Variants in ATP11A observed in about 807,000 individuals in gnomAD.
ATP11A encodes ATPase phospholipid transporting 11A.
A neutral mutation model predicts 154.4 loss-of-function variants in ATP11A; 81 were observed. The ratio of observed to expected loss-of-function variants is 0.52; its 90% CI spans 0.44 to 0.63. The LOEUF is 0.63. Among genes scored for constraint, ATP11A ranks in the 30% least tolerant of loss-of-function variants. The pLI is 0.00. For synonymous variants in ATP11A, 623 were observed against 585.9 expected, an observed-to-expected ratio of 1.06 and a Z score of -0.91; for missense variants, 1,316 against 1,474.3, an observed-to-expected ratio of 0.89 and a Z score of 1.76.
chr13:112,721,274 G>A (rs985830356), intron 1 of ATP11A, among the ~76,000 whole-genome samples: 1 of 152,162 alleles, frequency 6.6e-6, no homozygotes. Context: ...TTTCCTTAGC[G>A]TTAGGGTCCA....
At chr13:112,801,433 C>T (rs531776521) in intron 2 of ATP11A, among the ~76,000 whole-genome samples, 1 of 152,198 alleles carries the variant, frequency 6.6e-6, no homozygotes, top group African/African-American at 2.4e-5. Flanking sequence ...TACTGGAAAT[C>T]CTAGCTAATA....
chr13:112,696,051 C>T lies in ATP11A; in HGVS notation c.39+5596C>T, dbSNP rs1273836080. Reference sequence around the variant, plus strand: ...GTCTGACAGACCCACATTCAAGTTCCGTCTCGGCTGACGGCTGCGTGGCCT... The same window carrying T: ...GTCTGACAGACCCACATTCAAGTTCTGTCTCGGCTGACGGCTGCGTGGCCT... On this transcript the variant is annotated intron_variant, in intron 1 of 29. Transcript: ENST00000375645. The surrounding 1 kb of genome is among the most constrained non-coding windows in gnomAD (Gnocchi z 6.2). 6.6e-6 allele frequency among the ~76,000 whole-genome samples: 1 copy of T among 152,178 alleles called. No individual in the cohort carries two copies. Among genetic ancestry groups the T allele is most frequent in the Non-Finnish European group, 1.5e-5 (1 of 68,032 alleles).
chr13:112,842,497 T>G (rs759913828), intron 17 of ATP11A, 118 bp downstream of exon 17: 1 of 851,026 alleles, frequency 1.2e-6, no homozygotes, highest in Non-Finnish European at 1.9e-6. Context: ...GGGGAATGTT[T>G]AGAAATCAGC....
rs751955030 is a variant in ATP11A at position 112,859,503 on chromosome 13, C to T, written c.2727+51C>T. The T allele has an allele frequency of 2.0e-6, 3 of 1,492,528 alleles. No homozygotes were observed. Among genetic ancestry groups the T allele is most frequent in the Non-Finnish European group, 2.8e-6 (3 of 1,069,646 alleles). The allele number at this position is 1,492,528 out of a possible 1,614,324, so 92.5% of individuals were successfully genotyped here. A position where few individuals can be genotyped will look rare whatever the true frequency, so the allele number is the denominator to read the frequency against. On this transcript the variant is annotated intron_variant, in intron 23 of 29. Transcript: ENST00000375645. The surrounding 1 kb of genome is among the most constrained non-coding windows in gnomAD (Gnocchi z 4.3). Reference sequence around the variant, plus strand: ...GGCTGTCTGAGCCTTCTTTTCCTTCCCGCAGTGGGTGGCTGCTGTGGGGAG... The same window carrying T: ...GGCTGTCTGAGCCTTCTTTTCCTTCTCGCAGTGGGTGGCTGCTGTGGGGAG...
intron 16 of ATP11A, among the ~76,000 whole-genome samples, chr13:112,840,591 C>T (rs992127007): frequency 2.0e-5 from 3 of 151,500 alleles, no homozygotes; most frequent in African/African-American, 4.9e-5. Context: ...CCATGCCCTC[C>T]AGCCTTTGCT....
chr13:112,817,021 C>T (rs2078664032), intron 6 of ATP11A, among the ~76,000 whole-genome samples: 1 of 152,064 alleles, frequency 6.6e-6, no homozygotes, highest in Non-Finnish European at 1.5e-5. Context: ...GAAATTACTA[C>T]ATAAGTAATT....
At chr13:112,825,398 G>A in intron 10 of ATP11A, 32 bp from the exon 11 acceptor site, 1 of 1,575,570 alleles carries the variant, frequency 6.3e-7, no homozygotes, top group Non-Finnish European at 8.6e-7. Context: ...TTTCCTCAGG[G>A]ACCAGTGATC....
chr13:112,725,167 C>G (rs556102458), intron 1 of ATP11A, among the ~76,000 whole-genome samples: 95 of 152,310 alleles, frequency 6.2e-4, no homozygotes, highest in Non-Finnish European at 1.0e-3. Flanking sequence ...CTGCAAACCC[C>G]CCTTGTGGGA....
intron 25 of ATP11A, 136 bp from the exon 26 acceptor site, chr13:112,871,599 A>G (rs2080522507): frequency 1.2e-6 from 1 of 801,354 alleles, no homozygotes; most frequent in Non-Finnish European, 2.1e-6. Context: ...TAATAAGAAA[A>G]TATAGTGCTT....
intron 5 of ATP11A, 129 bp from the exon 6 acceptor site, chr13:112,815,954 T>C (rs1446159361): frequency 3.0e-6 from 4 of 1,328,466 alleles, no homozygotes; most frequent in Non-Finnish European, 4.2e-6. Flanking sequence ...AGTCTTTTCC[T>C]GAAACCGTGT....
In ATP11A at chr13:112,814,987, T is replaced by C. The variant is rs536593824; in HGVS notation, c.442-1096T>C. On this transcript the variant is annotated intron_variant, in intron 5 of 29. Coordinates refer to ENST00000375645, the MANE Select transcript of ATP11A (RefSeq NM_015205.3). ...AAAGTCTCACAAATTCGCAGTGTGC[T>C]GTGACCATCGTGTAGTGGGACAGAG... 5.3e-5 allele frequency among the ~76,000 whole-genome samples: 8 copies of C among 152,360 alleles called. No individual in the cohort carries two copies. The East Asian group carries it at 1.4e-3, about 26-fold the overall frequency.
At position 112,737,409 on chromosome 13, in the gene ATP11A, A is replaced by G. The variant is rs1442319056; in HGVS notation, c.39+46954A>G. On this transcript the variant is annotated intron_variant, in intron 1 of 29. Transcript: ENST00000375645. The stretch of plus-strand genomic sequence containing the variant: ...CCTTCGGTGAAATGTTCGTTAAAAC[A>G]GATCATGACTCATGTGGCGTTAAAT... Among the ~76,000 whole-genome samples the G allele has an allele frequency of 2.0e-5, 3 of 152,264 alleles. No homozygotes were observed. In the East Asian group the frequency reaches 5.8e-4, roughly 29 times the overall value.
Position 112,875,067 on chromosome 13 carries a change from C to T in ATP11A, c.3162-709C>T, listed in dbSNP as rs1403348732. Among the ~76,000 whole-genome samples the T allele has an allele frequency of 1.3e-5, 2 of 152,170 alleles. No individual in the cohort carries two copies. The highest frequency in any genetic ancestry group is 2.9e-5 in the Non-Finnish European group (2 of 68,026). On this transcript the variant is annotated intron_variant, in intron 27 of 29. Coordinates refer to ENST00000375645, the MANE Select transcript of ATP11A (RefSeq NM_015205.3). This position sits in a 1 kb window ranked among gnomAD's most constrained non-coding sequence, Gnocchi z 4.1. ...CCCGCCACCAGCACCACGTGGGTGC[C>T]CCCAGCCCCATCCCAGGTCTGCCAG...
At chr13:112,855,718 A>G (rs1176318732) in intron 19 of ATP11A, among the ~76,000 whole-genome samples, 193 bp from the exon 20 acceptor site, 4 of 152,254 alleles carry the variant, frequency 2.6e-5, no homozygotes, top group African/African-American at 4.8e-5. Flanking sequence ...GGAATGTTTC[A>G]TAAAATACAC....
chr13:112,881,225 T>TCCCC, intron 29 of ATP11A: 1 of 988,976 alleles, frequency 1.0e-6, no homozygotes, highest in Non-Finnish European at 1.2e-6. Context: ...CTCCTGCCGC[T>TCCCC]CCCCTTGCTG....
intron 17 of ATP11A, 24 bp downstream of exon 17, chr13:112,842,403 C>G: frequency 1.3e-6 from 2 of 1,541,220 alleles, no homozygotes; most frequent in Non-Finnish European, 1.8e-6. Context: ...TGGGGAGGGC[C>G]TCGTGGCGGT....
rs544091303 is a variant in ATP11A, at chr13:112,754,947, G to A, written c.40-30188G>A. On this transcript the variant is annotated intron_variant, in intron 1 of 29. Transcript: ENST00000375645. This position sits in a 1 kb window ranked among gnomAD's most constrained non-coding sequence, Gnocchi z 5.3. The stretch of plus-strand genomic sequence containing the variant: ...CGAGCGCGTGTGCCTGACCTGCTCC[G>A]CGGTGGGCGCAGAGCTCCTGCCGAG... Among the ~76,000 whole-genome samples the A allele has an allele frequency of 3.3e-5, 5 of 152,310 alleles. No homozygotes were observed. The highest frequency in any genetic ancestry group is 7.3e-5 in the Non-Finnish European group (5 of 68,034).
rs148703748 is a variant in ATP11A, at chr13:112,810,851, G to A, written c.441+125G>A. ...CTCAGGAGGCTGAGGCAGGAGGATC[G>A]CTGAGCCTGGAAGTCGGAGGCCACT... On this transcript the variant is annotated intron_variant, in intron 5 of 29. Transcript: ENST00000375645. 594 of 807,628 alleles carry A rather than the reference G, an allele frequency of 7.4e-4. No homozygotes were observed. The African/African-American group carries it at 7.6e-3, about 10-fold the overall frequency. 50.0% of individuals were successfully genotyped at this position (807,628 alleles called of 1,614,324 possible).
chr13:112,722,543 G>A (rs1450754336), intron 1 of ATP11A, among the ~76,000 whole-genome samples: 1 of 152,132 alleles, frequency 6.6e-6, no homozygotes, highest in Non-Finnish European at 1.5e-5. Flanking sequence ...AGCCTTTCCT[G>A]AATTCCAAAA....
Sources: allele counts gnomAD v4.1 joint callset (sites outside exome capture counted in the v4.1 genomes callset), GRCh38; gene constraint gnomAD v4.1.1; non-coding constraint Gnocchi (gnomAD v3.1); transcripts MANE v1.5; gene names NCBI Gene and HGNC (gene_info 2026-07-23, HGNC 2026-07-21).